The following DIP2C variants were observed in gnomAD, a reference collection of about 807,000 sequenced individuals.
DIP2C encodes the protein DIP2 acetate--CoA ligase C (putative), also known as disco-interacting protein 2 homolog C.
DIP2C carries 33 observed loss-of-function variants against 192.4 expected under a neutral mutation model. That is an observed-to-expected ratio of 0.17 (90% confidence interval 0.13 to 0.23). DIP2C has a LOEUF of 0.23. DIP2C is among the 10% of genes least tolerant of loss of function. DIP2C has a pLI of 1.00. For synonymous variants in DIP2C, 979 were observed against 864.1 expected (o/e 1.13, Z -2.33); for missense variants, 1,537 against 2,110.1 (o/e 0.73, Z 5.32).
At chr10:587,264 C>T (rs990559251) in intron 1 of DIP2C, among the ~76,000 whole-genome samples, 37 of 152,324 alleles carry the variant, frequency 2.4e-4, no homozygotes, top group African/African-American at 8.4e-4. Context: ...GGGTCTAAGG[C>T]TGGACCACCC....
chr10:521,070 T>C (rs908065951), intron 1 of DIP2C, among the ~76,000 whole-genome samples: 2 of 152,232 alleles, frequency 1.3e-5, no homozygotes, highest in Non-Finnish European at 2.9e-5. Context: ...CCTGGACTTT[T>C]GGATATTTCC....
intron 22 of DIP2C, among the ~76,000 whole-genome samples, chr10:359,528 A>C (rs978429180): frequency 4.6e-5 from 7 of 152,242 alleles, no homozygotes; most frequent in Non-Finnish European, 1.0e-4. Context: ...TTCACGTCGT[A>C]GTTGTGAACA....
Position 629,653 on chromosome 10 carries a change from C to T in DIP2C, c.85+59841G>A, listed in dbSNP as rs1160795473. Among the ~76,000 whole-genome samples, 4 of 152,154 alleles carry T rather than the reference C, an allele frequency of 2.6e-5. No individual in the cohort carries two copies. In the East Asian group the frequency reaches 7.7e-4, roughly 29 times the overall value. On this transcript the variant is annotated intron_variant, in intron 1 of 36. Coordinates refer to ENST00000280886, the MANE Select transcript of DIP2C (RefSeq NM_014974.3). ...GGTGGAGACCGCAGCTTCAATCAGG[C>T]CCGGCCTCACTGCTTTAACCCGCGC...
At chr10:453,570 A>ACTTC (rs1174841058) in intron 3 of DIP2C, among the ~76,000 whole-genome samples, 2 of 152,256 alleles carry the variant, frequency 1.3e-5, no homozygotes, top group Non-Finnish European at 2.9e-5. Context: ...GGTCAAGGAT[A>ACTTC]CTTCCACTTA....
chr10:327,717 T>C (rs1957339022), intron 30 of DIP2C, among the ~76,000 whole-genome samples: 1 of 152,212 alleles, frequency 6.6e-6, no homozygotes, highest in Non-Finnish European at 1.5e-5. Context: ...TACATTTTAA[T>C]ATATAGGAAT....
At chr10:633,519 G>A (rs896041182) in intron 1 of DIP2C, among the ~76,000 whole-genome samples, 4 of 146,782 alleles carry the variant, frequency 2.7e-5, no homozygotes, top group Admixed American at 6.6e-5. Context: ...CCTCCGGCCG[G>A]TGCCCACTGC....
intron 1 of DIP2C, among the ~76,000 whole-genome samples, chr10:507,667 G>A (rs777422096): frequency 3.9e-5 from 6 of 152,180 alleles, no homozygotes; most frequent in South Asian, 2.1e-4. Context: ...CCAAAAGCTC[G>A]TCCGTCTTTG....
chr10:464,313 A>G (rs1184779462), intron 3 of DIP2C, among the ~76,000 whole-genome samples: 2 of 152,124 alleles, frequency 1.3e-5, no homozygotes, highest in African/African-American at 2.4e-5. Context: ...AAACAACCCC[A>G]TCAAGAAGTG....
chr10:662,926 T>C, intron 1 of DIP2C: 1 of 717,528 alleles, frequency 1.4e-6, no homozygotes, highest in Non-Finnish European at 2.6e-6. Context: ...GAGGTGGATG[T>C]ACGCTAATGG....
intron 29 of DIP2C, among the ~76,000 whole-genome samples, chr10:330,624 G>A (rs959329632): frequency 2.0e-5 from 3 of 150,442 alleles, no homozygotes; most frequent in Non-Finnish European, 4.4e-5. Context: ...GAGTCAGTAG[G>A]ACCACAGGTG....
intron 1 of DIP2C, among the ~76,000 whole-genome samples, chr10:548,417 G>A (rs940238643): frequency 1.4e-5 from 2 of 146,862 alleles, no homozygotes; most frequent in African/African-American, 5.0e-5. Context: ...AGGGCAGTCA[G>A]CAGGAGCCGC....
At chr10:573,083 C>G (rs1849924715) in intron 1 of DIP2C, among the ~76,000 whole-genome samples, 1 of 152,096 alleles carries the variant, frequency 6.6e-6, no homozygotes, top group South Asian at 2.1e-4. Flanking sequence ...GGAAATGCTA[C>G]AAAGCACGTA....
intron 17 of DIP2C, among the ~76,000 whole-genome samples, chr10:379,638 C>A (rs1962143569): frequency 6.6e-6 from 1 of 152,212 alleles, no homozygotes; most frequent in Admixed American, 6.5e-5. Context: ...AGAAGAGAAT[C>A]ACTAAGTGAT....
At chr10:521,565 C>G (rs532630273) in intron 1 of DIP2C, among the ~76,000 whole-genome samples, 1 of 152,198 alleles carries the variant, frequency 6.6e-6, no homozygotes, top group Non-Finnish European at 1.5e-5. Flanking sequence ...GGGGAGAAGC[C>G]GGTCCAGATA....
intron 4 of DIP2C, among the ~76,000 whole-genome samples, chr10:428,548 CTT>C (rs1466788243): frequency 1.3e-5 from 2 of 152,116 alleles, no homozygotes; most frequent in African/African-American, 4.8e-5. Context: ...TGTAACGTGT[CTT>C]TTTCTTCGGA....
At chr10:668,147 C>T (rs1857223294) in intron 1 of DIP2C, 2 of 151,704 alleles carry the variant, frequency 1.3e-5, no homozygotes, top group Admixed American at 1.3e-4. Flanking sequence ...CAACACAACA[C>T]TCATACAACA....
intron 32 of DIP2C, among the ~76,000 whole-genome samples, chr10:308,935 C>G (rs1252367491): frequency 6.6e-6 from 1 of 152,216 alleles, no homozygotes; most frequent in African/African-American, 2.4e-5. Flanking sequence ...CCACCAGATG[C>G]CAGCTGAGCC....
intron 32 of DIP2C, among the ~76,000 whole-genome samples, chr10:302,120 G>C (rs1956082501): frequency 6.6e-6 from 1 of 152,034 alleles, no homozygotes; most frequent in Non-Finnish European, 1.5e-5. Flanking sequence ...TAAGAAAAAA[G>C]GCATTTGCAT....
chr10:658,709 G>A (rs894082134), intron 1 of DIP2C, among the ~76,000 whole-genome samples: 2 of 152,174 alleles, frequency 1.3e-5, no homozygotes, highest in African/African-American at 4.8e-5. Flanking sequence ...CCTTTAACAA[G>A]GAAGTATTAA....
Sources: allele counts gnomAD v4.1 joint callset (sites outside exome capture counted in the v4.1 genomes callset), GRCh38; gene constraint gnomAD v4.1.1; transcripts MANE v1.5; gene names NCBI Gene and HGNC (gene_info 2026-07-23, HGNC 2026-07-21).